EPHX4: variants seen among roughly 807,000 people sequenced by gnomAD.
EPHX4 encodes the protein abhydrolase domain containing 7.
In EPHX4, 31 loss-of-function variants were observed where a neutral mutation model predicts 44.9. That is an observed-to-expected ratio of 0.69 (90% CI 0.52 to 0.93). The LOEUF is 0.93. Among genes scored for constraint, EPHX4 ranks in the 40% least tolerant of loss-of-function variants. The pLI is 0.00. For synonymous variants in EPHX4, 151 were observed against 159.7 expected (o/e 0.95, Z 0.41); for missense variants, 373 against 438.1 (o/e 0.85, Z 1.33).
In EPHX4 at chr1:92,034,231, C is replaced by T. The variant is rs561189194; in HGVS notation, c.317+1641C>T. 9.0e-5 allele frequency among the ~76,000 whole-genome samples: 12 copies of T among 132,818 alleles called. No individual in the cohort carries two copies. In the South Asian group the frequency reaches 1.9e-3, roughly 21 times the overall value. 87.1% of individuals were successfully genotyped at this position (132,818 alleles called of 152,430 possible). A position where few individuals can be genotyped will look rare whatever the true frequency, so the allele number is the denominator to read the frequency against. On this transcript the variant is annotated intron_variant, in intron 2 of 6. Coordinates refer to ENST00000370383, the MANE Select transcript of EPHX4 (RefSeq NM_173567.5). ...AGGAGAATGGTGTGAACCCAGGAGG[C>T]GGAGCTTGCAGTGAGCCGAGCTCGT...
chr1:92,041,408 T>G (rs1041282293), intron 2 of EPHX4, among the ~76,000 whole-genome samples: 3 of 152,230 alleles, frequency 2.0e-5, no homozygotes, highest in African/African-American at 7.2e-5. Flanking sequence ...ATAAATAAGC[T>G]GTGGTTATTA....
chr1:92,039,101 A>G (rs943181415), intron 2 of EPHX4, among the ~76,000 whole-genome samples: 1 of 152,250 alleles, frequency 6.6e-6, no homozygotes, highest in South Asian at 2.1e-4. Flanking sequence ...GTTATAAAGC[A>G]AATGACAGAG....
intron 4 of EPHX4, among the ~76,000 whole-genome samples, chr1:92,049,742 G>A (rs938255882): frequency 3.3e-5 from 5 of 152,206 alleles, no homozygotes; most frequent in African/African-American, 1.2e-4. Flanking sequence ...AGGAAAAGCA[G>A]CGTTGTTTGG....
chr1:92,059,796 T>G (rs1480462146), intron 6 of EPHX4, among the ~76,000 whole-genome samples: 1 of 152,032 alleles, frequency 6.6e-6, no homozygotes, highest in African/African-American at 2.4e-5. Context: ...TTATCAAAAT[T>G]TATTCTAAGA....
Position 92,030,379 on chromosome 1 carries a change from G to C in EPHX4, c.231+69G>C, listed in dbSNP as rs371327373. On this transcript the variant is annotated intron_variant, in intron 1 of 6. Transcript: ENST00000370383. ...CCGCCGCGAGGGTGGGGGGCTCCGG[G>C]CTTCTCCTTCCGAGACGCTGGCTCA... 24 of 1,369,136 alleles carry C rather than the reference G, an allele frequency of 1.8e-5. No homozygotes were observed. The African/African-American group carries it at 2.9e-4, about 17-fold the overall frequency. 84.8% of individuals were successfully genotyped at this position (1,369,136 alleles called of 1,614,324 possible).
At position 92,030,246 on chromosome 1, in the gene EPHX4, G is replaced by A; in HGVS notation, c.167G>A (p.Arg56Gln). Residue 56 changes from arginine to glutamine, a missense_variant, in exon 1 of 7, where the codon CGG becomes CAG. By Grantham distance (43) the Arg-to-Gln change is conservative. Coordinates refer to ENST00000370383, the MANE Select transcript of EPHX4 (RefSeq NM_173567.5). ...GCGCAGACCTTCCGGCGGCCCGCCC[G>A]GGAGCACCCTCCCGCGTGCCTGAGC... ...GPAQTFRRPA[R>Q]EHPPACLSDP... The A allele has an allele frequency of 6.2e-7, 1 of 1,603,504 alleles. No individual in the cohort carries two copies.
chr1:92,036,649 T>C (rs1265853781), intron 2 of EPHX4, among the ~76,000 whole-genome samples: 1 of 152,252 alleles, frequency 6.6e-6, no homozygotes, highest in Non-Finnish European at 1.5e-5. Flanking sequence ...ATCTGTCATT[T>C]GTTACTCCAG....
At chr1:92,060,492 G>A (rs1335479289) in intron 6 of EPHX4, among the ~76,000 whole-genome samples, 2 of 151,726 alleles carry the variant, frequency 1.3e-5, no homozygotes, top group Non-Finnish European at 2.9e-5. Context: ...AAATAATTAA[G>A]TTATTGGATT....
intron 4 of EPHX4, among the ~76,000 whole-genome samples, chr1:92,047,093 GA>G (rs1338250592): frequency 2.6e-5 from 4 of 152,178 alleles, no homozygotes; most frequent in Non-Finnish European, 5.9e-5. Flanking sequence ...TTGAAAGTCT[GA>G]TTTTTATCAA....
At chr1:92,031,619 C>A (rs1688361074) in intron 1 of EPHX4, among the ~76,000 whole-genome samples, 1 of 152,198 alleles carries the variant, frequency 6.6e-6, no homozygotes, top group Non-Finnish European at 1.5e-5. Context: ...CAAAATGATT[C>A]TTTCACATCT....
chr1:92,044,817 C>CA (rs977373585), intron 3 of EPHX4, among the ~76,000 whole-genome samples: 31 of 150,396 alleles, frequency 2.1e-4, no homozygotes, highest in Admixed American at 4.6e-4. Context: ...TCTGAGCATT[C>CA]AAAAAAAAAC....
At position 92,030,647 on chromosome 1, in the gene EPHX4, C is replaced by T. The variant is rs528219022; in HGVS notation, c.231+337C>T. ...AATAAACCTGCTCTTTTTCCTACTGCAAGGGGAAGCTGTCTCCTGTCACCC... is the reference window on the plus strand; with the variant it reads ...AATAAACCTGCTCTTTTTCCTACTGTAAGGGGAAGCTGTCTCCTGTCACCC... On this transcript the variant is annotated intron_variant, in intron 1 of 6. Coordinates refer to ENST00000370383, the MANE Select transcript of EPHX4 (RefSeq NM_173567.5). 2.6e-5 allele frequency among the ~76,000 whole-genome samples: 4 copies of T among 152,192 alleles called. No homozygotes were observed. In the East Asian group the frequency reaches 7.7e-4, roughly 29 times the overall value.
At chr1:92,047,679 A>T (rs1365374770) in intron 4 of EPHX4, among the ~76,000 whole-genome samples, 3 of 152,226 alleles carry the variant, frequency 2.0e-5, no homozygotes, top group Non-Finnish European at 2.9e-5. Context: ...GGTGAAGAAT[A>T]GGATGACTAC....
chr1:92,061,691 A>G (rs901691669), intron 6 of EPHX4, among the ~76,000 whole-genome samples: 1 of 152,212 alleles, frequency 6.6e-6, no homozygotes, highest in Admixed American at 6.5e-5. Context: ...TATGCCATAA[A>G]CTAGTATCTT....
intron 3 of EPHX4, 124 bp from the exon 4 acceptor site, chr1:92,045,408 A>G (rs1688569756): frequency 8.2e-7 from 1 of 1,219,326 alleles, no homozygotes; most frequent in Non-Finnish European, 1.1e-6. Context: ...ATATCTGCAC[A>G]AAGTGCATAA....
At chr1:92,049,943 C>A (rs936715912) in intron 4 of EPHX4, among the ~76,000 whole-genome samples, 6 of 151,558 alleles carry the variant, frequency 4.0e-5, no homozygotes, top group African/African-American at 1.2e-4. Context: ...ACTAAAAATA[C>A]AAAAAATTAG....
chr1:92,030,651 G>T (rs1688346754), intron 1 of EPHX4, among the ~76,000 whole-genome samples: 1 of 151,956 alleles, frequency 6.6e-6, no homozygotes, highest in Non-Finnish European at 1.5e-5. Flanking sequence ...CTACTGCAAG[G>T]GGAAGCTGTC....
intron 2 of EPHX4, among the ~76,000 whole-genome samples, chr1:92,036,830 T>C (rs1688445069): frequency 6.6e-6 from 1 of 152,140 alleles, no homozygotes; most frequent in South Asian, 2.1e-4. Flanking sequence ...TAATCAGATA[T>C]CTCTGGAGTC....
At chr1:92,043,026 T>A in intron 3 of EPHX4, 46 bp downstream of exon 3, 1 of 1,441,930 alleles carries the variant, frequency 6.9e-7, no homozygotes, top group Non-Finnish European at 9.5e-7. Context: ...GGACAAACAT[T>A]CAACAAATTG....
Sources: gnomAD v4.1 joint callset for allele counts (sites outside exome capture counted in the v4.1 genomes callset) on GRCh38, gnomAD v4.1.1 for gene constraint, MANE v1.5 for transcripts, NCBI Gene and HGNC (gene_info 2026-07-23, HGNC 2026-07-21) for gene names.